Variants in KLRG1 observed in about 807,000 individuals in gnomAD.
The protein encoded by KLRG1 is killer cell lectin like receptor G1.
In KLRG1, 16 loss-of-function variants were observed where a neutral mutation model predicts 21.8. That is an observed-to-expected ratio of 0.73 (90% CI 0.50 to 1.11). KLRG1 has a LOEUF of 1.11. Ranked by LOEUF, KLRG1 falls within the 50% of genes most tolerant of loss-of-function variation. KLRG1 has a pLI of 0.00. For missense variants in KLRG1, 173 were observed against 218.3 expected, an observed-to-expected ratio of 0.79 and a Z score of 1.31; for synonymous variants, 69 against 75.9, an observed-to-expected ratio of 0.91 and a Z score of 0.47.
chr12:9,115,186 C>G, the KLRG1 span: 1 of 152,854 alleles, frequency 6.5e-6, no homozygotes, highest in African/African-American at 2.4e-5. Context: ...AGAATCCCTT[C>G]TCATCACTCA....
intron 2 of KLRG1, among the ~76,000 whole-genome samples, chr12:8,993,640 G>A (rs1947045012): frequency 6.6e-6 from 1 of 152,138 alleles, no homozygotes; most frequent in South Asian, 2.1e-4. Context: ...TCAGAGCCAA[G>A]TCCGACCTTT....
chr12:9,148,601 C>T, the KLRG1 span, among the ~76,000 whole-genome samples: 1 of 151,980 alleles, frequency 6.6e-6, no homozygotes, highest in Non-Finnish European at 1.5e-5. Context: ...ATCTTCTGAC[C>T]CTTCCAGTCC....
the KLRG1 span, among the ~76,000 whole-genome samples, chr12:9,087,799 C>A: frequency 1.3e-5 from 2 of 151,976 alleles, no homozygotes; most frequent in South Asian, 4.1e-4. Context: ...AGAACAACAA[C>A]AACAACCAAC....
At chr12:8,961,838 C>T (rs1050987019) in intron 1 of KLRG1, among the ~76,000 whole-genome samples, 17 of 152,130 alleles carry the variant, frequency 1.1e-4, no homozygotes, top group Non-Finnish European at 1.6e-4. Flanking sequence ...GTAATCCCAG[C>T]GCATTGAGTG....
At chr12:9,101,109 T>C in the KLRG1 span, 1 of 1,547,566 alleles carries the variant, frequency 6.5e-7, no homozygotes, top group South Asian at 1.2e-5. Context: ...TGGGTCAGAA[T>C]GGGGCAGCAA....
the KLRG1 span, among the ~76,000 whole-genome samples, chr12:9,185,243 C>T: frequency 6.6e-6 from 1 of 152,198 alleles, no homozygotes; most frequent in African/African-American, 2.4e-5. Flanking sequence ...CATAACCAAC[C>T]TGACAGAGCT....
chr12:9,168,741 A>T, the KLRG1 span: 1 of 728,456 alleles, frequency 1.4e-6, no homozygotes, highest in East Asian at 2.7e-5. Flanking sequence ...GCAAGAAACA[A>T]TTAATTTGAA....
At chr12:9,194,180 A>G in the KLRG1 span, 2 of 1,614,064 alleles carry the variant, frequency 1.2e-6, no homozygotes. Flanking sequence ...GGCGTCATTC[A>G]CAGAGATGAA....
At chr12:9,047,420 A>G in the KLRG1 span, among the ~76,000 whole-genome samples, 1 of 152,182 alleles carries the variant, frequency 6.6e-6, no homozygotes. Context: ...TGTTTTTTTG[A>G]AATAAGTATA....
At chr12:9,072,964 T>A in the KLRG1 span, 1 of 921,520 alleles carries the variant, frequency 1.1e-6, no homozygotes, top group Non-Finnish European at 1.6e-6. Flanking sequence ...GGGACTTTGA[T>A]TTCCTACTTC....
chr12:9,058,309 G>A, the KLRG1 span: 2 of 152,062 alleles, frequency 1.3e-5, no homozygotes, highest in Non-Finnish European at 2.9e-5. Flanking sequence ...GCTAAGGTAA[G>A]GTTGATTTAA....
At chr12:9,137,887 A>G in the KLRG1 span, among the ~76,000 whole-genome samples, 6 of 152,026 alleles carry the variant, frequency 3.9e-5, no homozygotes, top group Admixed American at 6.5e-5. Flanking sequence ...ATCTTACTGT[A>G]TTTGTGTATT....
chr12:9,012,142 T>C (rs1413525905), downstream of KLRG1, among the ~76,000 whole-genome samples: 2 of 152,108 alleles, frequency 1.3e-5, no homozygotes, highest in East Asian at 3.9e-4. Flanking sequence ...ACCAGCTGGG[T>C]GGCCAAGGGA....
the KLRG1 span, among the ~76,000 whole-genome samples, chr12:9,121,138 G>A: frequency 2.0e-5 from 3 of 151,880 alleles, no homozygotes; most frequent in South Asian, 2.1e-4. The surrounding 1 kb of genome is among the most constrained non-coding windows in gnomAD (Gnocchi z 4.4). Flanking sequence ...TTCCTATCTC[G>A]GCCCCGCAAA....
At chr12:8,995,348 ACTG>A (rs1947098883) in intron 3 of KLRG1, 60 bp downstream of exon 3, 2 of 1,428,806 alleles carry the variant, frequency 1.4e-6, no homozygotes, top group Non-Finnish European at 1.9e-6. Context: ...TTGTTTTTAA[ACTG>A]CTATTTAAAT....
chr12:8,969,484 C>T (rs977187534), intron 1 of KLRG1, among the ~76,000 whole-genome samples: 2 of 151,668 alleles, frequency 1.3e-5, no homozygotes, highest in African/African-American at 4.9e-5. Context: ...GGGCTGGCTA[C>T]CGTAGCAGGT....
At chr12:8,983,078 T>A (rs1946781388) in intron 1 of KLRG1, among the ~76,000 whole-genome samples, 1 of 152,226 alleles carries the variant, frequency 6.6e-6, no homozygotes, top group Non-Finnish European at 1.5e-5. Context: ...TGCTGTTTTT[T>A]AAAATGATTT....
chr12:9,191,386 T>G, the KLRG1 span, among the ~76,000 whole-genome samples: 1 of 152,108 alleles, frequency 6.6e-6, no homozygotes, highest in East Asian at 1.9e-4. Context: ...CTGGCAGCAG[T>G]TTTTAATGTT....
At chr12:9,106,562 A>C in the KLRG1 span, 1 of 1,594,166 alleles carries the variant, frequency 6.3e-7, no homozygotes. Flanking sequence ...CAGCTGGAAG[A>C]CCTTGGTTTT....
Sources: allele counts gnomAD v4.1 joint callset (sites outside exome capture counted in the v4.1 genomes callset), GRCh38; gene constraint gnomAD v4.1.1; non-coding constraint Gnocchi (gnomAD v3.1); transcripts MANE v1.5; gene names NCBI Gene and HGNC (gene_info 2026-07-23, HGNC 2026-07-21).